DENND5A: variants seen among roughly 807,000 people sequenced by gnomAD.
The protein encoded by DENND5A is DENN domain-containing protein 5A.
A neutral mutation model predicts 140.3 loss-of-function variants in DENND5A; 64 were observed. The ratio of observed to expected loss-of-function variants is 0.46; its 90% CI spans 0.37 to 0.56. DENND5A has a LOEUF of 0.56. DENND5A is among the 20% of genes least tolerant of loss of function. The probability of loss-of-function intolerance (pLI) is 0.00; values close to 1 mark genes in which losing one functional copy is unlikely to be tolerated. For missense variants in DENND5A, 1,292 were observed against 1,593.8 expected, an observed-to-expected ratio of 0.81 and a Z score of 3.22; for synonymous variants, 605 against 607.7, an observed-to-expected ratio of 1.00 and a Z score of 0.07.
At chr11:9,197,887 C>T (rs1242102158) in intron 4 of DENND5A, among the ~76,000 whole-genome samples, 1 of 152,122 alleles carries the variant, frequency 6.6e-6, no homozygotes, top group Non-Finnish European at 1.5e-5. Context: ...CTTAAGCAAT[C>T]ATTATTTTTA....
intron 15 of DENND5A, among the ~76,000 whole-genome samples, chr11:9,147,695 C>T (rs984903362): frequency 6.6e-6 from 1 of 152,250 alleles, no homozygotes; most frequent in African/African-American, 2.4e-5. Context: ...ATCCAGGTCA[C>T]AGGCAAGGAA....
In DENND5A at chr11:9,139,623, C is replaced by T. The variant is rs373580570; in HGVS notation, c.*48G>A. 1.3e-6 allele frequency: 2 copies of T among 1,577,844 alleles called. No homozygotes were observed. The highest frequency in any genetic ancestry group is 1.7e-6 in the Non-Finnish European group (2 of 1,157,746). ...GTCCCTTTGGGAAAAAAGGTCAGAGCTGCAGGGTGAGTCTTTCTCAGTCCT... is the reference window on the plus strand; with the variant it reads ...GTCCCTTTGGGAAAAAAGGTCAGAGTTGCAGGGTGAGTCTTTCTCAGTCCT... On this transcript the variant is annotated 3_prime_UTR_variant, in exon 23 of 23. Coordinates refer to ENST00000328194, the MANE Select transcript of DENND5A (RefSeq NM_015213.4).
intron 1 of DENND5A, among the ~76,000 whole-genome samples, chr11:9,242,981 G>A (rs1166794543): frequency 1.3e-5 from 2 of 151,402 alleles, no homozygotes; most frequent in Non-Finnish European, 2.9e-5. Context: ...CCAGCTACTC[G>A]GGAGGTTGAG....
intron 8 of DENND5A, among the ~76,000 whole-genome samples, chr11:9,173,637 A>C (rs1848447152): frequency 1.3e-5 from 2 of 152,342 alleles, no homozygotes; most frequent in South Asian, 2.1e-4. Flanking sequence ...GTATGGGTGC[A>C]CATGACTGTG....
At position 9,185,329 on chromosome 11, in the gene DENND5A, T is replaced by C. The variant is rs184333285; in HGVS notation, c.1138-4245A>G. On this transcript the variant is annotated intron_variant, in intron 5 of 22. Coordinates refer to ENST00000328194, the MANE Select transcript of DENND5A (RefSeq NM_015213.4). The stretch of plus-strand genomic sequence containing the variant: ...TTTTTTTTTCCACAAGATTTAAACT[T>C]GTGCTTTTGACATTTAACTTCTTAA... 1.6e-3 allele frequency among the ~76,000 whole-genome samples: 241 copies of C among 152,340 alleles called. 2 individuals are homozygous for C. The highest frequency in any genetic ancestry group is 2.7e-3 in the Non-Finnish European group (187 of 68,034).
chr11:9,204,798 G>A (rs1849641821), intron 3 of DENND5A, among the ~76,000 whole-genome samples: 1 of 152,194 alleles, frequency 6.6e-6, no homozygotes, highest in Non-Finnish European at 1.5e-5. Context: ...GGAGACGGAG[G>A]TTGCAGTGAG....
intron 1 of DENND5A, among the ~76,000 whole-genome samples, chr11:9,241,911 G>A (rs1398849748): frequency 1.3e-5 from 2 of 151,870 alleles, no homozygotes; most frequent in Non-Finnish European, 2.9e-5. Context: ...CTATTCGGGA[G>A]GCTGAGGCAG....
At chr11:9,231,709 C>T (rs1341594252) in intron 1 of DENND5A, among the ~76,000 whole-genome samples, 1 of 27,964 alleles carries the variant, frequency 3.6e-5, no homozygotes, top group Non-Finnish European at 7.6e-5. Flanking sequence ...GAGCGAAACT[C>T]CGTCTCAAAA....
chr11:9,260,154 T>C (rs901000057), intron 1 of DENND5A, among the ~76,000 whole-genome samples: 1 of 151,972 alleles, frequency 6.6e-6, no homozygotes, highest in African/African-American at 2.4e-5. Flanking sequence ...CTTCAATTCC[T>C]GGCAAGAGCT....
At chr11:9,174,002 C>T (rs1468134739) in intron 8 of DENND5A, among the ~76,000 whole-genome samples, 2 of 143,216 alleles carry the variant, frequency 1.4e-5, no homozygotes, top group Non-Finnish European at 3.0e-5. Context: ...ACTCGGGAGG[C>T]TGAGGCAGGA....
chr11:9,158,751 T>C (rs1294358555), intron 12 of DENND5A, among the ~76,000 whole-genome samples: 2 of 152,204 alleles, frequency 1.3e-5, no homozygotes, highest in African/African-American at 2.4e-5. Context: ...GTTAAGGACA[T>C]AGAAAAGATA....
At chr11:9,141,319 C>A (rs998326885) in intron 22 of DENND5A, among the ~76,000 whole-genome samples, 2 of 152,196 alleles carry the variant, frequency 1.3e-5, no homozygotes, top group African/African-American at 2.4e-5. Flanking sequence ...GAGTTACATA[C>A]ACGTTGTCAT....
intron 5 of DENND5A, among the ~76,000 whole-genome samples, chr11:9,182,637 G>A (rs549739709): frequency 7.1e-4 from 108 of 152,324 alleles, no homozygotes; most frequent in Non-Finnish European, 1.4e-3. Flanking sequence ...AGCATATTAT[G>A]TTAAGTGAAA....
chr11:9,207,588 T>A lies in DENND5A; in HGVS notation c.154A>T (p.Ser52Cys), dbSNP rs1281486638. The A allele has an allele frequency of 6.2e-7, 1 of 1,613,502 alleles. No individual in the cohort carries two copies. The highest frequency in any genetic ancestry group is 2.2e-5 in the East Asian group (1 of 44,828). ...TCAGTCGTACTTGAAATGAAAGGGCTGGCACCATCCCTGGCTTTAGAAGCC... is the reference window on the plus strand; with the variant it reads ...TCAGTCGTACTTGAAATGAAAGGGCAGGCACCATCCCTGGCTTTAGAAGCC... ...IQASKARDGA[S>C]PFISSTTEGE... Residue 52 changes from serine (S) to cysteine (C), a missense_variant, in exon 2 of 23, where the codon AGC becomes TGC. By Grantham distance (112) the Ser-to-Cys change is moderately radical. Around this residue, in one of 4 missense-constraint regions of DENND5A, gnomAD observed 566 missense variants for 650.4 expected, o/e 0.87. Coordinates refer to ENST00000328194, the MANE Select transcript of DENND5A (RefSeq NM_015213.4).
chr11:9,178,429 G>A, intron 7 of DENND5A, 63 bp from the exon 8 acceptor site: 1 of 993,616 alleles, frequency 1.0e-6, no homozygotes, highest in South Asian at 1.4e-5. Context: ...GTGCCCAAGG[G>A]ATCCAGTAGG....
At chr11:9,218,070 C>T (rs994818873) in intron 1 of DENND5A, among the ~76,000 whole-genome samples, 2 of 152,130 alleles carry the variant, frequency 1.3e-5, no homozygotes, top group Non-Finnish European at 1.5e-5. Context: ...ACCTGGGCAA[C>T]ATGGCAAGAC....
intron 12 of DENND5A, among the ~76,000 whole-genome samples, chr11:9,157,015 T>TA (rs1370917786): frequency 5.3e-5 from 8 of 152,184 alleles, no homozygotes; most frequent in Non-Finnish European, 7.3e-5. Context: ...AATGATACGA[T>TA]ACTATTTTTC....
At chr11:9,232,284 G>A (rs1354951632) in intron 1 of DENND5A, among the ~76,000 whole-genome samples, 2 of 151,692 alleles carry the variant, frequency 1.3e-5, no homozygotes, top group Non-Finnish European at 2.9e-5. Flanking sequence ...GCCATTAAAA[G>A]AATGAAAACG....
chr11:9,168,290 G>A (rs1351372117), intron 10 of DENND5A, among the ~76,000 whole-genome samples: 3 of 152,108 alleles, frequency 2.0e-5, no homozygotes, highest in Non-Finnish European at 4.4e-5. Flanking sequence ...TAAGTCTCAT[G>A]AGATCTGATG....
Sources: allele counts gnomAD v4.1 joint callset (sites outside exome capture counted in the v4.1 genomes callset), GRCh38; gene constraint gnomAD v4.1.1; regional missense constraint gnomAD v4.1.1; transcripts MANE v1.5; gene names NCBI Gene and HGNC (gene_info 2026-07-23, HGNC 2026-07-21).